ZFAND2B: variants seen among roughly 807,000 people sequenced by gnomAD.
ZFAND2B encodes AN1-type zinc finger protein 2B.
In ZFAND2B, 27 loss-of-function variants were observed where a neutral mutation model predicts 38.2. The ratio of observed to expected loss-of-function variants is 0.71; its 90% CI spans 0.52 to 0.97. ZFAND2B has a LOEUF of 0.97. Among genes scored for constraint, ZFAND2B ranks in the 50% least tolerant of loss-of-function variants. ZFAND2B has a pLI of 0.00. For missense variants in ZFAND2B, 303 were observed against 331.5 expected (o/e 0.91, Z 0.67); for synonymous variants, 111 against 119.4 (o/e 0.93, Z 0.46).
At chr2:219,208,861 TG>T (rs1176361507) in intron 7 of ZFAND2B, 115 bp from the exon 8 acceptor site, 4 of 1,186,020 alleles carry the variant, frequency 3.4e-6, no homozygotes, top group Non-Finnish European at 5.0e-6. Context: ...AGTGTTGCTA[TG>T]AAGATTGAGA....
Position 219,208,501 on chromosome 2 carries a change from G to A in ZFAND2B, c.588+15G>A. 1 of 1,614,260 alleles carries A rather than the reference G, an allele frequency of 6.2e-7. No homozygotes were observed. Among genetic ancestry groups the A allele is most frequent in the Non-Finnish European group, 8.5e-7 (1 of 1,180,052 alleles). On this transcript the variant is annotated intron_variant, in intron 6 of 8. Transcript: ENST00000289528. Reference sequence around the variant, plus strand: ...AGAATGGCCTGGTGAGTTGGGCAGAGGTTGGATGGACAGAAACAAACACAC... The same window carrying A: ...AGAATGGCCTGGTGAGTTGGGCAGAAGTTGGATGGACAGAAACAAACACAC...
intron 2 of ZFAND2B, 77 bp downstream of exon 2, chr2:219,207,498 T>A: frequency 6.3e-7 from 1 of 1,584,688 alleles, no homozygotes; most frequent in Non-Finnish European, 8.6e-7. Flanking sequence ...TGTCTCACGT[T>A]TCTTCTCCCT....
chr2:219,207,847 T>C lies in ZFAND2B; in HGVS notation c.283-40T>C, dbSNP rs368787923. ...GATGCCTGGAAACCCAAACAGCTAA[T>C]CAGAGTCTCAGCAGAGACAACCTTC... On this transcript the variant is annotated intron_variant, in intron 3 of 8. Transcript: ENST00000289528. The C allele has an allele frequency of 3.7e-6, 6 of 1,613,678 alleles. No individual in the cohort carries two copies. In the African/African-American group the frequency reaches 8.0e-5, roughly 22 times the overall value.
chr2:219,208,905 C>T, intron 7 of ZFAND2B, 72 bp from the exon 8 acceptor site: 3 of 1,498,968 alleles, frequency 2.0e-6, no homozygotes, highest in Non-Finnish European at 2.8e-6. Flanking sequence ...CCATGAGGCC[C>T]AACACACACA....
Position 219,208,312 on chromosome 2 carries a change from C to T in ZFAND2B, c.491C>T (p.Pro164Leu). The T allele has an allele frequency of 6.2e-7, 1 of 1,614,190 alleles. No homozygotes were observed. The highest frequency in any genetic ancestry group is 8.5e-7 in the Non-Finnish European group (1 of 1,180,040). ...AVASTSTVPSPSQTMPSCTSP... is the reference protein window; with the variant it reads ...AVASTSTVPSLSQTMPSCTSP... ...GCTTCTACAAGCACTGTCCCCAGCC[C>T]AAGTCAAACCATGCCTTCCTGTACC... Residue 164 changes from proline (P) to leucine (L), a missense_variant, in exon 5 of 9, where the codon CCA (proline) becomes CTA (leucine). Transcript: ENST00000289528.
At position 219,209,327 on chromosome 2, in the gene ZFAND2B, A is replaced by T. The variant is rs753600856; in HGVS notation, c.*21A>T. On this transcript the variant is annotated 3_prime_UTR_variant, in exon 9 of 9. Coordinates refer to ENST00000289528, the MANE Select transcript of ZFAND2B (RefSeq NM_138802.3). ...GCTAGGGCCCTGGGCTTGGGGAGGG[A>T]GGTTCACCTGAGGAGGACTGTGGCC... The T allele has an allele frequency of 5.6e-6, 9 of 1,607,964 alleles. No individual in the cohort carries two copies. The highest frequency in any genetic ancestry group is 6.8e-6 in the Non-Finnish European group (8 of 1,177,954).
intron 1 of ZFAND2B, 72 bp downstream of exon 1, chr2:219,207,114 G>A (rs1209533006): frequency 1.3e-5 from 17 of 1,260,558 alleles, no homozygotes; most frequent in East Asian, 2.6e-5. Flanking sequence ...GGAGGGAAGG[G>A]TGGGCTCCCA....
At chr2:219,208,097 A>G in intron 4 of ZFAND2B, 59 bp downstream of exon 4, 1 of 1,611,524 alleles carries the variant, frequency 6.2e-7, no homozygotes, top group Non-Finnish European at 8.5e-7. Context: ...AACTGACTCA[A>G]GCTCTGTTGT....
rs777631924 is a variant in ZFAND2B, at chr2:219,207,415, C to G, written c.144C>G (p.Tyr48Ter). 8.7e-6 allele frequency: 14 copies of G among 1,609,580 alleles called. No homozygotes were observed. Among genetic ancestry groups the G allele is most frequent in the Non-Finnish European group, 1.2e-5 (14 of 1,176,170 alleles). The change falls in exon 2 of 9, where the codon TAC becomes TAG. Residue 48 changes from tyrosine (Y) to a stop codon, truncating the protein, a stop_gained. Coordinates refer to ENST00000289528, the MANE Select transcript of ZFAND2B (RefSeq NM_138802.3). LOFTEE classifies it high-confidence loss of function. ...CCCAGCATCACTGTGGATCTGCTTA[C>G]CAAAAGGTGAGGGGGCGATCCTCAG... ...AYAQHHCGSA[Y>*]QKDIQVPVCP...
At position 219,207,869 on chromosome 2, in the gene ZFAND2B, C is replaced by T. The variant is rs1250264968; in HGVS notation, c.283-18C>T. The T allele has an allele frequency of 1.2e-6, 2 of 1,613,922 alleles. No individual in the cohort carries two copies. Among genetic ancestry groups the T allele is most frequent in the African/African-American group, 2.7e-5 (2 of 74,880 alleles). On this transcript the variant is annotated intron_variant, in intron 3 of 8. Transcript: ENST00000289528. ...TAATCAGAGTCTCAGCAGAGACAACCTTCTCACTTCACCTCAGATCTTCAC... is the reference window on the plus strand; with the variant it reads ...TAATCAGAGTCTCAGCAGAGACAACTTTCTCACTTCACCTCAGATCTTCAC...
intron 5 of ZFAND2B, 38 bp from the exon 6 acceptor site, chr2:219,208,388 C>G (rs765757991): frequency 6.2e-7 from 1 of 1,614,194 alleles, no homozygotes; most frequent in South Asian, 1.1e-5. Context: ...TTTTCCCCTT[C>G]ACACCTCTGA....
At chr2:219,209,131 G>A in intron 8 of ZFAND2B, 82 bp downstream of exon 8, 3 of 1,592,100 alleles carry the variant, frequency 1.9e-6, no homozygotes, top group Non-Finnish European at 1.7e-6. Flanking sequence ...GTGGTGCAGA[G>A]TTTTGGAATG....
chr2:219,209,278 C>T lies in ZFAND2B; in HGVS notation c.746C>T (p.Ser249Leu), dbSNP rs747411491. ...YQRQQAQSRS[S>L]KPSNCSLC is the part of the protein sequence containing the mutation. ...TTGCTCTAGGCCCAGAGCCGCAGCTCGAAGCCGTCCAACTGCAGCCTGTGC... is the reference window on the plus strand; with the variant it reads ...TTGCTCTAGGCCCAGAGCCGCAGCTTGAAGCCGTCCAACTGCAGCCTGTGC... Residue 249 changes from serine to leucine, a missense_variant, in exon 9 of 9, where the codon TCG becomes TTG. Physicochemically the swap from Ser to Leu is moderately radical, Grantham distance 145. Transcript: ENST00000289528. 1.4e-5 allele frequency: 23 copies of T among 1,610,386 alleles called. No individual in the cohort carries two copies. The highest frequency in any genetic ancestry group is 1.0e-4 in the Admixed American group (6 of 59,784).
intron 5 of ZFAND2B, 32 bp downstream of exon 5, chr2:219,208,380 T>C: frequency 6.2e-7 from 1 of 1,614,162 alleles, no homozygotes; most frequent in Non-Finnish European, 8.5e-7. Flanking sequence ...CTCCCCCTTT[T>C]TCCCCTTCAC....
chr2:219,207,251 C>A lies in ZFAND2B; in HGVS notation c.56-76C>A. 3.9e-6 allele frequency: 6 copies of A among 1,524,682 alleles called. No homozygotes were observed. The South Asian group carries it at 4.5e-5, about 11-fold the overall frequency. The allele number at this position is 1,524,682 out of a possible 1,614,324, so 94.4% of individuals were successfully genotyped here. On this transcript the variant is annotated intron_variant, in intron 1 of 8. Coordinates refer to ENST00000289528, the MANE Select transcript of ZFAND2B (RefSeq NM_138802.3). ...TCGAAAATAGGGTGGCGTTTTCCTT[C>A]CCGAGTGGAAGACTTGAGTGAGAGA...
At chr2:219,208,708 G>A (rs1267230252) in intron 7 of ZFAND2B, 69 bp downstream of exon 7, 1 of 1,559,612 alleles carries the variant, frequency 6.4e-7, no homozygotes, top group Admixed American at 1.7e-5. Flanking sequence ...CAGGTAGGTG[G>A]GACCACTCTG....
At chr2:219,208,085 G>A (rs1460318305) in intron 4 of ZFAND2B, 47 bp downstream of exon 4, 1 of 1,613,258 alleles carries the variant, frequency 6.2e-7, no homozygotes, top group Non-Finnish European at 8.5e-7. Flanking sequence ...GCATTCTTTT[G>A]GAACTGACTC....
In ZFAND2B at chr2:219,209,246, C is replaced by T. The variant is rs1950540172; in HGVS notation, c.730-16C>T. 1.2e-6 allele frequency: 2 copies of T among 1,602,726 alleles called. No homozygotes were observed. The highest frequency in any genetic ancestry group is 1.7e-6 in the Non-Finnish European group (2 of 1,174,486). On this transcript the variant is annotated splice_polypyrimidine_tract_variant and intron_variant, in intron 8 of 8. Transcript: ENST00000289528. ...TTGCACTGTGTCTTCCCCTCCTTCC[C>T]CTCTCTTTGCTCTAGGCCCAGAGCC...
rs1950488813 is a variant in ZFAND2B at position 219,206,811 on chromosome 2, GC to G, written c.-176del. On this transcript the variant is annotated 5_prime_UTR_variant, in exon 1 of 9. Transcript: ENST00000289528. ...GCGCGCCGCGCGCGCCGAGGGAGGA[GC>G]GGGCGCCGGGGGCCGGCTGGCGCGG... The G allele has an allele frequency of 1.7e-6, 1 of 581,220 alleles. No individual in the cohort carries two copies. The highest frequency in any genetic ancestry group is 2.7e-6 in the Non-Finnish European group (1 of 366,456). 36.0% of individuals were successfully genotyped at this position (581,220 alleles called of 1,614,324 possible).
Sources: gnomAD v4.1 joint callset for allele counts on GRCh38, gnomAD v4.1.1 for gene constraint, MANE v1.5 for transcripts, NCBI Gene and HGNC (gene_info 2026-07-23, HGNC 2026-07-21) for gene names.